HTR1F: variants seen among roughly 807,000 people sequenced by gnomAD.
The protein encoded by HTR1F is 5-hydroxytryptamine (serotonin) receptor 1F, G protein-coupled.
Under a neutral mutation model 24.0 loss-of-function variants are expected in HTR1F, and 17 were observed. That is an observed-to-expected ratio of 0.71 (90% CI 0.48 to 1.06). HTR1F has a LOEUF of 1.06. HTR1F is among the 50% of genes least tolerant of loss of function. HTR1F has a pLI of 0.00. For missense variants in HTR1F, 391 were observed against 427.8 expected (o/e 0.91, Z 0.76); for synonymous variants, 186 against 156.8 (o/e 1.19, Z -1.39).
chr3:87,799,356 A>T (rs1703958451), intron 1 of HTR1F, among the ~76,000 whole-genome samples: 1 of 152,172 alleles, frequency 6.6e-6, no homozygotes, highest in Admixed American at 6.5e-5. Context: ...TCTTATTTAT[A>T]TCATTTCTTT....
intron 2 of HTR1F, among the ~76,000 whole-genome samples, chr3:87,871,256 A>G (rs1299379889): frequency 6.6e-6 from 1 of 152,056 alleles, no homozygotes; most frequent in Non-Finnish European, 1.5e-5. Flanking sequence ...TGAAGAATAC[A>G]ACAAATAAAT....
intron 2 of HTR1F, among the ~76,000 whole-genome samples, chr3:87,897,517 T>C (rs1706225740): frequency 6.6e-6 from 1 of 152,132 alleles, no homozygotes; most frequent in Non-Finnish European, 1.5e-5. Context: ...TTAATGGATA[T>C]AGTGATCCAT....
chr3:87,898,125 T>C (rs1424694342), intron 2 of HTR1F, among the ~76,000 whole-genome samples: 1 of 151,956 alleles, frequency 6.6e-6, no homozygotes, highest in Non-Finnish European at 1.5e-5. Flanking sequence ...TAAGACAGAG[T>C]GGAAATCCCC....
At chr3:87,893,062 T>C (rs1349234292) in intron 2 of HTR1F, among the ~76,000 whole-genome samples, 2 of 98,644 alleles carry the variant, frequency 2.0e-5, no homozygotes, top group Non-Finnish European at 4.5e-5. Context: ...ATACAGTTGA[T>C]AAATTTTTTT....
intron 1 of HTR1F, among the ~76,000 whole-genome samples, chr3:87,801,237 T>C (rs555199420): frequency 1.0e-3 from 154 of 152,342 alleles, no homozygotes; most frequent in Non-Finnish European, 1.8e-3. Context: ...AGCTCTTTGG[T>C]GCTAATTTAG....
At chr3:87,821,022 T>C (rs2107124430) in intron 1 of HTR1F, among the ~76,000 whole-genome samples, 1 of 152,308 alleles carries the variant, frequency 6.6e-6, no homozygotes, top group East Asian at 1.9e-4. Flanking sequence ...AATAATAGAA[T>C]TGCCAATGAA....
At chr3:87,943,440 CACT>C (rs1449012792) in intron 2 of HTR1F, among the ~76,000 whole-genome samples, 2 of 152,162 alleles carry the variant, frequency 1.3e-5, no homozygotes, top group African/African-American at 4.8e-5. Flanking sequence ...AAGGTACATG[CACT>C]CTGGCTGGGC....
chr3:87,991,615 G>A lies in HTR1F; in HGVS notation c.866G>A (p.Arg289Gln), dbSNP rs1466882394. The change falls in exon 3 of 3, where the codon CGG (arginine) becomes CAG (glutamine). Residue 289 changes from arginine (R) to glutamine (Q), a missense_variant. Arg to Gln is a conservative substitution (Grantham distance 43). Transcript: ENST00000319595. ...CAAAAGATCTCAGGTACAAGAGAAC[G>A]GAAAGCAGCCACTACCCTGGGATTA... Reference protein sequence around the residue: ...RRQKISGTRERKAATTLGLIL... With the variant: ...RRQKISGTREQKAATTLGLIL... 1.1e-5 allele frequency: 17 copies of A among 1,613,714 alleles called. No individual in the cohort carries two copies. Among genetic ancestry groups the A allele is most frequent in the African/African-American group, 2.7e-5 (2 of 74,924 alleles).
chr3:87,909,379 A>C (rs899131607), intron 2 of HTR1F, among the ~76,000 whole-genome samples: 1 of 152,032 alleles, frequency 6.6e-6, no homozygotes, highest in Admixed American at 6.6e-5. Context: ...ATCTTTCTTC[A>C]TGACCACATA....
chr3:87,927,453 C>G (rs1239484590), intron 2 of HTR1F, among the ~76,000 whole-genome samples: 2 of 151,996 alleles, frequency 1.3e-5, no homozygotes, highest in Admixed American at 6.6e-5. Context: ...AATACAGATC[C>G]AGAAAATGTG....
intron 1 of HTR1F, among the ~76,000 whole-genome samples, chr3:87,802,811 C>T (rs1158763636): frequency 6.6e-6 from 1 of 152,088 alleles, no homozygotes; most frequent in Non-Finnish European, 1.5e-5. Flanking sequence ...ATTTTCATGC[C>T]TTTTTATTAA....
At chr3:87,874,239 C>T (rs986410805) in intron 2 of HTR1F, among the ~76,000 whole-genome samples, 42 of 147,770 alleles carry the variant, frequency 2.8e-4, no homozygotes, top group African/African-American at 9.7e-4. Flanking sequence ...AAAGATTCCA[C>T]ACACACACAT....
intron 2 of HTR1F, among the ~76,000 whole-genome samples, chr3:87,864,488 C>G (rs551819422): frequency 3.3e-5 from 5 of 152,274 alleles, no homozygotes; most frequent in African/African-American, 1.2e-4. Context: ...TATTCAGCGA[C>G]TATGGTTGAC....
At chr3:87,814,138 G>T (rs553652774) in intron 1 of HTR1F, among the ~76,000 whole-genome samples, 1 of 152,182 alleles carries the variant, frequency 6.6e-6, no homozygotes, top group Middle Eastern at 3.4e-3. Flanking sequence ...AATGAATGAC[G>T]CAATGTGGTA....
At chr3:87,959,427 G>A (rs905327606) in intron 2 of HTR1F, among the ~76,000 whole-genome samples, 3 of 151,762 alleles carry the variant, frequency 2.0e-5, no homozygotes, top group Admixed American at 2.0e-4. Context: ...CCATTGTATG[G>A]TCACTTTGTT....
rs972251469 is a variant in HTR1F at position 87,866,964 on chromosome 3, C to T, written c.-43+44840C>T. ...TTTCTATTAAAAACATCAGTTTGAA[C>T]CTGAAGTAATAGCCAGCTTAGATAA... On this transcript the variant is annotated intron_variant, in intron 2 of 2. Coordinates refer to ENST00000319595, the MANE Select transcript of HTR1F (RefSeq NM_001322209.2). Among the ~76,000 whole-genome samples the T allele has an allele frequency of 6.6e-5, 10 of 151,450 alleles. 1 individual carries two copies. The highest frequency in any genetic ancestry group is 2.4e-4 in the African/African-American group (10 of 41,246).
chr3:87,795,589 T>A (rs923210363), intron 1 of HTR1F, among the ~76,000 whole-genome samples: 1 of 152,140 alleles, frequency 6.6e-6, no homozygotes, highest in East Asian at 1.9e-4. Flanking sequence ...TATTAATCTT[T>A]CAGTGGCCAG....
At chr3:87,925,021 G>A (rs573487118) in intron 2 of HTR1F, among the ~76,000 whole-genome samples, 24 of 151,176 alleles carry the variant, frequency 1.6e-4, no homozygotes, top group Admixed American at 1.1e-3. Flanking sequence ...CTTATAATGC[G>A]AATATGGTGA....
At chr3:87,921,375 A>G (rs1704008698) in intron 2 of HTR1F, among the ~76,000 whole-genome samples, 1 of 152,022 alleles carries the variant, frequency 6.6e-6, no homozygotes, top group Non-Finnish European at 1.5e-5. Context: ...GGATTATTGT[A>G]TAGTTTATGT....
Sources: gnomAD v4.1 joint callset for allele counts (sites outside exome capture counted in the v4.1 genomes callset) on GRCh38, gnomAD v4.1.1 for gene constraint, MANE v1.5 for transcripts, NCBI Gene and HGNC (gene_info 2026-07-23, HGNC 2026-07-21) for gene names.